The following SLC71A2 variants were observed in gnomAD, a reference collection of about 807,000 sequenced individuals.
SLC71A2 encodes solute carrier family 71 member 2.
chr9:94,378,627 A>G, the SLC71A2 span, among the ~76,000 whole-genome samples: 10 of 152,078 alleles, frequency 6.6e-5, no homozygotes, highest in Admixed American at 1.3e-4. Context: ...AACAAAACCA[A>G]TCAGATCTTG....
the SLC71A2 span, among the ~76,000 whole-genome samples, chr9:94,416,571 G>A: frequency 6.6e-6 from 1 of 152,114 alleles, no homozygotes; most frequent in South Asian, 2.1e-4. Context: ...AATACAGTTT[G>A]AGGCCTGGTG....
chr9:94,398,147 A>G, the SLC71A2 span, among the ~76,000 whole-genome samples: 33 of 151,606 alleles, frequency 2.2e-4, no homozygotes, highest in African/African-American at 6.6e-4. Flanking sequence ...CCCAAATCCA[A>G]TATTGCTTTA....
At chr9:94,456,299 G>A in the SLC71A2 span, 1 of 1,614,154 alleles carries the variant, frequency 6.2e-7, no homozygotes, top group Non-Finnish European at 8.5e-7. Context: ...CCGGCAATCA[G>A]TGCCCTCGTC....
the SLC71A2 span, among the ~76,000 whole-genome samples, chr9:94,426,899 A>G: frequency 6.6e-6 from 1 of 152,160 alleles, no homozygotes; most frequent in Non-Finnish European, 1.5e-5. Context: ...CAGTGGTGCA[A>G]TCATAGCTCA....
chr9:94,395,652 G>T, the SLC71A2 span, among the ~76,000 whole-genome samples: 1 of 152,114 alleles, frequency 6.6e-6, no homozygotes. Flanking sequence ...GTTTTGTTAT[G>T]CGTCCCTTAG....
the SLC71A2 span, among the ~76,000 whole-genome samples, chr9:94,458,078 G>GA: frequency 6.6e-6 from 1 of 152,206 alleles, no homozygotes; most frequent in Non-Finnish European, 1.5e-5. Flanking sequence ...CCTGAAATGG[G>GA]AAGATATTAA....
the SLC71A2 span, among the ~76,000 whole-genome samples, chr9:94,453,731 C>T: frequency 2.0e-5 from 3 of 152,148 alleles, no homozygotes; most frequent in Non-Finnish European, 4.4e-5. Context: ...GGTAGACAGG[C>T]TTCTTAGGGA....
At chr9:94,412,932 C>G in the SLC71A2 span, among the ~76,000 whole-genome samples, 1 of 148,514 alleles carries the variant, frequency 6.7e-6, no homozygotes, top group African/African-American at 2.5e-5. Context: ...GTTGTATAAT[C>G]TTGTGAATAT....
At chr9:94,439,067 GC>G in the SLC71A2 span, among the ~76,000 whole-genome samples, 2 of 110,696 alleles carry the variant, frequency 1.8e-5, no homozygotes, top group Admixed American at 1.3e-4. Context: ...TGTTGACTAG[GC>G]TGGAGTGCAG....
At chr9:94,419,298 CTTTTT>C in the SLC71A2 span, among the ~76,000 whole-genome samples, 1 of 132,666 alleles carries the variant, frequency 7.5e-6, no homozygotes, top group Admixed American at 7.9e-5. Flanking sequence ...ACTTTTTTTT[CTTTTT>C]TTTTTTTTTT....
the SLC71A2 span, among the ~76,000 whole-genome samples, chr9:94,450,758 G>A: frequency 2.6e-5 from 4 of 152,020 alleles, no homozygotes; most frequent in African/African-American, 9.7e-5. Flanking sequence ...CAAAGTGCTG[G>A]GATTACAGGC....
the SLC71A2 span, among the ~76,000 whole-genome samples, chr9:94,410,044 T>C: frequency 6.7e-6 from 1 of 150,330 alleles, no homozygotes; most frequent in Non-Finnish European, 1.5e-5. Flanking sequence ...ATTTGTGTAT[T>C]TGTGCCTTTT....
At chr9:94,404,445 G>A in the SLC71A2 span, among the ~76,000 whole-genome samples, 4 of 151,928 alleles carry the variant, frequency 2.6e-5, no homozygotes, top group Non-Finnish European at 5.9e-5. Flanking sequence ...ACAGGCATGC[G>A]CCACCATGCC....
At chr9:94,458,600 T>C in the SLC71A2 span, 5 of 829,442 alleles carry the variant, frequency 6.0e-6, no homozygotes, top group African/African-American at 1.7e-5. Flanking sequence ...ATTGTGTTCA[T>C]TGCTTCTCGG....
At chr9:94,455,807 T>C in the SLC71A2 span, among the ~76,000 whole-genome samples, 1 of 152,158 alleles carries the variant, frequency 6.6e-6, no homozygotes, top group Non-Finnish European at 1.5e-5. Flanking sequence ...ATGCTCTCTC[T>C]GTTGAGGGGT....
chr9:94,410,083 T>A, the SLC71A2 span, among the ~76,000 whole-genome samples: 4 of 151,574 alleles, frequency 2.6e-5, no homozygotes, highest in Non-Finnish European at 5.9e-5. Context: ...TGCCGGTAGG[T>A]GAGGACGATG....
the SLC71A2 span, chr9:94,456,483 AGG>A: frequency 1.6e-6 from 1 of 611,522 alleles, no homozygotes; most frequent in Non-Finnish European, 3.0e-6. Context: ...TTTGGCAGAT[AGG>A]AACATTCTAT....
chr9:94,422,015 T>A, the SLC71A2 span, among the ~76,000 whole-genome samples: 1 of 152,092 alleles, frequency 6.6e-6, no homozygotes, highest in Non-Finnish European at 1.5e-5. Context: ...TGGGTTCAAG[T>A]GATTCTCCTG....
At chr9:94,390,103 A>G in the SLC71A2 span, among the ~76,000 whole-genome samples, 24,963 of 152,056 alleles carry the variant, frequency 0.16, 2,365 homozygotes, top group African/African-American at 0.26. Flanking sequence ...AGTCCCAGCT[A>G]CTCAAAAGGC....
Sources: gnomAD v4.1 joint callset for allele counts (sites outside exome capture counted in the v4.1 genomes callset) on GRCh38, gnomAD v4.1.1 for gene constraint, MANE v1.5 for transcripts, NCBI Gene and HGNC (gene_info 2026-07-23, HGNC 2026-07-21) for gene names.